Variants in MYO19 observed in about 807,000 individuals in gnomAD.
MYO19 encodes myosin XIX, also known as unconventional myosin-XIX.
Under a neutral mutation model 129.2 loss-of-function variants are expected in MYO19, and 132 were observed. The observed-to-expected ratio is 1.02, with a 90% CI of 0.89 to 1.18. The LOEUF (loss-of-function observed/expected upper bound fraction) is 1.18. MYO19 is among the 50% of genes most tolerant of loss of function. The probability of loss-of-function intolerance (pLI) is 0.00; values close to 1 mark genes in which losing one functional copy is unlikely to be tolerated. For missense variants in MYO19, 1,210 were observed against 1,216.7 expected, an observed-to-expected ratio of 0.99 and a Z score of 0.08; for synonymous variants, 531 against 477.2, an observed-to-expected ratio of 1.11 and a Z score of -1.47.
intron 6 of MYO19, among the ~76,000 whole-genome samples, chr17:36,521,886 C>T (rs967172423): frequency 1.8e-4 from 28 of 151,730 alleles, no homozygotes; most frequent in African/African-American, 6.8e-4. Context: ...CAAAAATTAG[C>T]TGGGTGTGGT....
rs1437818855 is a variant in MYO19, at chr17:36,534,225, G to A, written c.-295-121C>T. The A allele has an allele frequency of 3.9e-5, 6 of 152,308 alleles. No homozygotes were observed. The South Asian group carries it at 1.0e-3, about 26-fold the overall frequency. The allele number at this position is 152,308 out of a possible 1,614,324, so 9.4% of individuals were successfully genotyped here. A position where few individuals can be genotyped will look rare whatever the true frequency, so the allele number is the denominator to read the frequency against. On this transcript the variant is annotated intron_variant, in intron 1 of 25. Transcript: ENST00000614623. ...TTCTAGGCATGGAGGACAGTGGGAG[G>A]GCAGACGCTGAGAAGCGCTGGGTAA... is the stretch of plus-strand genomic sequence containing the variant.
At chr17:36,509,226 T>TGGGGG (rs1201535590) in intron 13 of MYO19, 91 bp from the exon 14 acceptor site, 1 of 1,109,018 alleles carries the variant, frequency 9.0e-7, no homozygotes. Flanking sequence ...TGCTACACCC[T>TGGGGG]GGGGGGCCCT....
intron 6 of MYO19, among the ~76,000 whole-genome samples, chr17:36,524,992 T>C (rs2073372825): frequency 6.6e-6 from 1 of 152,230 alleles, no homozygotes; most frequent in Non-Finnish European, 1.5e-5. Context: ...GGAAACTTCA[T>C]TCCTATTTCA....
intron 2 of MYO19, among the ~76,000 whole-genome samples, chr17:36,541,175 G>T (rs2074196173): frequency 6.6e-6 from 1 of 151,592 alleles, no homozygotes; most frequent in Non-Finnish European, 1.5e-5. Flanking sequence ...TGGATCTCCT[G>T]ACCTCGTGAT....
At position 36,531,300 on chromosome 17, in the gene MYO19, C is replaced by T. The variant is rs189448370; in HGVS notation, c.12+1227G>A. On this transcript the variant is annotated intron_variant, in intron 3 of 25. Coordinates refer to ENST00000614623, the MANE Select transcript of MYO19 (RefSeq NM_001163735.2). Reference sequence around the variant, plus strand: ...GTCCCAACTACTCGGGAGGCTGAGGCAGGAGAATAGCATGAACCTGGGAGG... The same window carrying T: ...GTCCCAACTACTCGGGAGGCTGAGGTAGGAGAATAGCATGAACCTGGGAGG... 2.8e-5 allele frequency among the ~76,000 whole-genome samples: 4 copies of T among 145,344 alleles called. No homozygotes were observed. The East Asian group carries it at 8.2e-4, about 30-fold the overall frequency.
intron 3 of MYO19, 73 bp from the exon 4 acceptor site, chr17:36,528,275 A>G: frequency 1.4e-6 from 2 of 1,476,462 alleles, no homozygotes; most frequent in Non-Finnish European, 9.2e-7. Flanking sequence ...CTGGGAGGCC[A>G]AGGCGGGCAG....
At chr17:36,506,126 G>T (rs561612288) in intron 18 of MYO19, among the ~76,000 whole-genome samples, 1 of 152,126 alleles carries the variant, frequency 6.6e-6, no homozygotes, top group East Asian at 1.9e-4. Flanking sequence ...GGTAGGGTTA[G>T]AACAGGAAGC....
chr17:36,499,262 A>G lies in MYO19; in HGVS notation c.2378-102T>C. On this transcript the variant is annotated intron_variant, in intron 23 of 25. Transcript: ENST00000614623. ...ACCACAGTTGCTGTCAAAGTTTCAAATACGTTTTTTTTTTTTCAATAAATT... is the reference window on the plus strand; with the variant it reads ...ACCACAGTTGCTGTCAAAGTTTCAAGTACGTTTTTTTTTTTTCAATAAATT... 3.8e-6 allele frequency: 3 copies of G among 794,874 alleles called. No homozygotes were observed. In the Middle Eastern group the frequency reaches 7.1e-4, roughly 188 times the overall value. The allele number at this position is 794,874 out of a possible 1,614,324, so 49.2% of individuals were successfully genotyped here. A position where few individuals can be genotyped will look rare whatever the true frequency, so the allele number is the denominator to read the frequency against.
upstream of MYO19, chr17:36,538,621 C>T: frequency 6.4e-7 from 1 of 1,571,326 alleles, no homozygotes; most frequent in South Asian, 1.2e-5. Flanking sequence ...TGGTGATCAG[C>T]AGGAGTAGGA....
At chr17:36,509,006 C>A (rs1213280185) in intron 14 of MYO19, 56 bp downstream of exon 14, 2 of 1,513,506 alleles carry the variant, frequency 1.3e-6, no homozygotes, top group Non-Finnish European at 1.8e-6. Context: ...GCCTCTCCAT[C>A]CAGGGCTTTA....
intron 5 of MYO19, among the ~76,000 whole-genome samples, chr17:36,526,433 T>C (rs1261278351): frequency 6.6e-6 from 1 of 152,124 alleles, no homozygotes; most frequent in Non-Finnish European, 1.5e-5. Flanking sequence ...TCATGCACTT[T>C]TACACCAACA....
At chr17:36,497,705 C>G (rs1481686770) in intron 25 of MYO19, 1 of 240,066 alleles carries the variant, frequency 4.2e-6, no homozygotes, top group East Asian at 1.8e-4. Context: ...ATGCCTCAGC[C>G]TCCCGAGCAG....
chr17:36,495,851 ACAAGATTTTTCC>A lies in MYO19; in HGVS notation c.*388_*399del. On this transcript the variant is annotated 3_prime_UTR_variant, in exon 26 of 26. Transcript: ENST00000614623. ...TTGTTCCTTTTTAAAGGAAATAACC[ACAAGATTTTTCC>A]CAGCCCAAATTCCAGCGCCAATTTT... 8.1e-7 allele frequency: 1 copy of A among 1,241,584 alleles called. No individual in the cohort carries two copies. The highest frequency in any genetic ancestry group is 3.1e-5 in the East Asian group (1 of 32,300). 76.9% of individuals were successfully genotyped at this position (1,241,584 alleles called of 1,614,324 possible). A position where few individuals can be genotyped will look rare whatever the true frequency, so the allele number is the denominator to read the frequency against.
chr17:36,542,852 A>G (rs2074204027), intron 1 of MYO19, among the ~76,000 whole-genome samples: 1 of 151,668 alleles, frequency 6.6e-6, no homozygotes, highest in African/African-American at 2.4e-5. Context: ...AGTAGCTGGA[A>G]TTAAAAGTGC....
chr17:36,515,020 C>A, intron 8 of MYO19, 93 bp downstream of exon 8: 1 of 1,169,902 alleles, frequency 8.5e-7, no homozygotes, highest in South Asian at 1.5e-5. Flanking sequence ...AGGGTTTTTG[C>A]CCATAGGGGT....
intron 13 of MYO19, 71 bp downstream of exon 13, chr17:36,510,675 C>T (rs1287724541): frequency 2.7e-6 from 4 of 1,492,216 alleles, no homozygotes; most frequent in Non-Finnish European, 3.6e-6. Context: ...CTGATGTTGT[C>T]TGGCCCAACC....
intron 24 of MYO19, 55 bp downstream of exon 24, chr17:36,499,020 A>T (rs897608732): frequency 7.0e-7 from 1 of 1,429,516 alleles, no homozygotes; most frequent in Non-Finnish European, 9.7e-7. Flanking sequence ...ACTCGGGTCC[A>T]TCTGGTCCCC....
intron 14 of MYO19, 111 bp from the exon 15 acceptor site, chr17:36,508,035 C>T: frequency 1.6e-6 from 2 of 1,223,930 alleles, no homozygotes; most frequent in Admixed American, 3.1e-5. Flanking sequence ...ACTTGGCAGC[C>T]TGGGCATCAG....
intron 6 of MYO19, 135 bp downstream of exon 6, chr17:36,525,093 A>G: frequency 1.5e-6 from 1 of 675,122 alleles, no homozygotes; most frequent in Non-Finnish European, 2.6e-6. Flanking sequence ...TTGTGCACCA[A>G]CCCCAGCTTC....
Sources: gnomAD v4.1 joint callset for allele counts (sites outside exome capture counted in the v4.1 genomes callset) on GRCh38, gnomAD v4.1.1 for gene constraint, MANE v1.5 for transcripts, NCBI Gene and HGNC (gene_info 2026-07-23, HGNC 2026-07-21) for gene names.